The following AFAP1 variants were observed in gnomAD, a reference collection of about 807,000 sequenced individuals.
The protein encoded by AFAP1 is actin filament-associated protein 1.
A neutral mutation model predicts 93.9 loss-of-function variants in AFAP1; 75 were observed. That is an observed-to-expected ratio of 0.80 (90% CI 0.66 to 0.97). The LOEUF is 0.97. AFAP1 is among the 50% of genes least tolerant of loss of function. The pLI, the probability that AFAP1 is intolerant of heterozygous loss-of-function variation, is 0.00. For synonymous variants in AFAP1, 517 were observed against 430.7 expected (o/e 1.20, Z -2.48); for missense variants, 1,201 against 1,050.8 (o/e 1.14, Z -1.98).
Position 7,872,031 on chromosome 4 carries a change from G to A in AFAP1, c.48C>T (p.Asp16=). The A allele has an allele frequency of 1.2e-6, 2 of 1,614,088 alleles. No individual in the cohort carries two copies. Residue 16 remains aspartate, a synonymous_variant, in exon 2 of 18, where the codon GAC becomes GAT. Transcript: ENST00000420658. ...TGACAGTTGAGGTTAGATATTCATG[G>A]TCCAGGAGTTCAAGAAAGAGACGAA... The part of the protein sequence containing the change: ...VELRLFLELL[D]HEYLTSTVRE...
At chr4:7,906,842 G>C (rs999563599) in intron 1 of AFAP1, among the ~76,000 whole-genome samples, 1 of 152,098 alleles carries the variant, frequency 6.6e-6, no homozygotes, top group Non-Finnish European at 1.5e-5. Context: ...CCAATATGGC[G>C]AAGCCCCATC....
intron 1 of AFAP1, among the ~76,000 whole-genome samples, chr4:7,919,643 A>C (rs921019308): frequency 2.6e-5 from 4 of 151,756 alleles, no homozygotes; most frequent in Non-Finnish European, 4.4e-5. Context: ...ATTTTTTTTT[A>C]ATTTTTAAGT....
At chr4:7,890,555 C>G (rs74908726) in intron 1 of AFAP1, among the ~76,000 whole-genome samples, 1 of 152,072 alleles carries the variant, frequency 6.6e-6, no homozygotes, top group African/African-American at 2.4e-5. Context: ...AAGAAAATAT[C>G]TGCAATACAC....
intron 7 of AFAP1, among the ~76,000 whole-genome samples, chr4:7,818,067 G>A (rs1244906384): frequency 6.6e-6 from 1 of 152,132 alleles, no homozygotes; most frequent in South Asian, 2.1e-4. Flanking sequence ...GGGCATCTGG[G>A]GATGAGATTA....
At chr4:7,851,414 A>C (rs1182582775) in intron 4 of AFAP1, among the ~76,000 whole-genome samples, 1 of 152,166 alleles carries the variant, frequency 6.6e-6, no homozygotes, top group African/African-American at 2.4e-5. Context: ...ACACTGCCTA[A>C]TGGTTTGGTT....
chr4:7,939,849 G>A lies in AFAP1; in HGVS notation c.-196C>T, dbSNP rs898204774. On this transcript the variant is annotated 5_prime_UTR_variant, in exon 1 of 18. Coordinates refer to ENST00000420658, the MANE Select transcript of AFAP1 (RefSeq NM_001134647.2). This position sits in a 1 kb window ranked among gnomAD's most constrained non-coding sequence, Gnocchi z 5.6. Reference sequence around the variant, plus strand: ...GGAGCTGCAGCCGGCGTGGGGCTGCGGCCGGGACAGACACCACGCAGGCGC... The same window carrying A: ...GGAGCTGCAGCCGGCGTGGGGCTGCAGCCGGGACAGACACCACGCAGGCGC... The A allele has an allele frequency of 3.8e-6, 1 of 263,922 alleles. No homozygotes were observed. Among genetic ancestry groups the A allele is most frequent in the African/African-American group, 2.4e-5 (1 of 42,320 alleles). The allele number at this position is 263,922 out of a possible 1,614,324, so 16.3% of individuals were successfully genotyped here.
intron 9 of AFAP1, 77 bp downstream of exon 9, chr4:7,809,537 G>C: frequency 1.3e-6 from 2 of 1,503,640 alleles, no homozygotes; most frequent in Non-Finnish European, 1.8e-6. Context: ...TGGATGAACT[G>C]GGTACCGACA....
chr4:7,773,140 G>C (rs1015990707), intron 15 of AFAP1, 130 bp from the exon 16 acceptor site: 2 of 1,375,422 alleles, frequency 1.5e-6, no homozygotes, highest in Non-Finnish European at 9.6e-7. Flanking sequence ...TTAGGTCCTC[G>C]TTGTGAAACT....
At chr4:7,807,197 A>T (rs1486431700) in intron 9 of AFAP1, among the ~76,000 whole-genome samples, 1 of 113,616 alleles carries the variant, frequency 8.8e-6, no homozygotes, top group African/African-American at 5.0e-5. Flanking sequence ...ACTGACCTGG[A>T]GCATTAAAAA....
chr4:7,843,398 A>C, intron 4 of AFAP1, 48 bp from the exon 5 acceptor site: 1 of 1,525,320 alleles, frequency 6.6e-7, no homozygotes, highest in Non-Finnish European at 8.9e-7. Context: ...TTTACCTTGA[A>C]GTTTACCCGT....
intron 12 of AFAP1, among the ~76,000 whole-genome samples, chr4:7,782,093 C>T (rs762951770): frequency 3.9e-5 from 6 of 152,178 alleles, no homozygotes; most frequent in African/African-American, 7.2e-5. Context: ...TAAAGACACA[C>T]GAGGTCCTAG....
chr4:7,825,438 A>G (rs933582750), intron 6 of AFAP1, among the ~76,000 whole-genome samples: 4 of 152,360 alleles, frequency 2.6e-5, no homozygotes, highest in African/African-American at 7.2e-5. Flanking sequence ...TTAAAAACAG[A>G]TAATTTTAAA....
chr4:7,768,116 G>A (rs1400554384), intron 17 of AFAP1, among the ~76,000 whole-genome samples: 3 of 152,258 alleles, frequency 2.0e-5, no homozygotes, highest in Non-Finnish European at 4.4e-5. Context: ...GGAACCCACA[G>A]AGCCGGTACA....
rs141442866 is a variant in AFAP1, at chr4:7,907,083, G to A, written c.-3+32573C>T. Among the ~76,000 whole-genome samples, 301 of 151,476 alleles carry A rather than the reference G, an allele frequency of 2.0e-3. 3 individuals carry two copies. The highest frequency in any genetic ancestry group is 1.8e-3 in the Non-Finnish European group (120 of 67,948). On this transcript the variant is annotated intron_variant, in intron 1 of 17. Coordinates refer to ENST00000420658, the MANE Select transcript of AFAP1 (RefSeq NM_001134647.2). ...ATGCAACACAGAGAAATGCTACAAC[G>A]TTGAAATCCTGAAAAACATATTCAT... is the stretch of plus-strand genomic sequence containing the variant.
rs1713812110 is a variant in AFAP1, at chr4:7,761,603, C to A, written c.*2162G>T. 1 of 152,336 alleles carries A rather than the reference C, an allele frequency of 6.6e-6. No individual in the cohort carries two copies. The highest frequency in any genetic ancestry group is 1.5e-5 in the Non-Finnish European group (1 of 68,104). 9.4% of individuals were successfully genotyped at this position (152,336 alleles called of 1,614,324 possible). ...GTGACTTCAGGCTGGCCATCTCCCC[C>A]TTCTCTTACTAACCACCAAAACCTC... On this transcript the variant is annotated 3_prime_UTR_variant, in exon 18 of 18. Transcript: ENST00000420658.
At chr4:7,778,999 G>A in intron 13 of AFAP1, 123 bp from the exon 14 acceptor site, 1 of 734,176 alleles carries the variant, frequency 1.4e-6, no homozygotes. Flanking sequence ...CATAGATGGA[G>A]GAAAAATCGA....
At chr4:7,890,566 A>T (rs1469272838) in intron 1 of AFAP1, among the ~76,000 whole-genome samples, 2 of 152,194 alleles carry the variant, frequency 1.3e-5, no homozygotes, top group Non-Finnish European at 2.9e-5. Context: ...TGCAATACAC[A>T]TTTCATGACA....
At chr4:7,824,851 AT>A (rs1220755995) in intron 6 of AFAP1, among the ~76,000 whole-genome samples, 6 of 152,264 alleles carry the variant, frequency 3.9e-5, no homozygotes, top group African/African-American at 1.4e-4. Context: ...AGTGTACATT[AT>A]TTGGGTGATG....
Position 7,837,887 on chromosome 4 carries a change from C to T in AFAP1, c.726+637G>A, listed in dbSNP as rs552263783. On this transcript the variant is annotated intron_variant, in intron 6 of 17. Transcript: ENST00000420658. ...TACAAAAACTAGCCAGGAATGGTGGCATGTCATGCGAGCTAACTTGGGAGG... is the reference window on the plus strand; with the variant it reads ...TACAAAAACTAGCCAGGAATGGTGGTATGTCATGCGAGCTAACTTGGGAGG... 5.9e-5 allele frequency among the ~76,000 whole-genome samples: 9 copies of T among 152,176 alleles called. No individual in the cohort carries two copies. In the South Asian group the frequency reaches 1.9e-3, roughly 32 times the overall value.
Sources: gnomAD v4.1 joint callset for allele counts (sites outside exome capture counted in the v4.1 genomes callset) on GRCh38, gnomAD v4.1.1 for gene constraint, Gnocchi (gnomAD v3.1) non-coding constraint, MANE v1.5 for transcripts, NCBI Gene and HGNC (gene_info 2026-07-23, HGNC 2026-07-21) for gene names.